Variants in BTN3A1 observed in about 807,000 individuals in gnomAD.
The protein encoded by BTN3A1 is dJ45P21.3 (butyrophilin, subfamily 3, member A1).
A neutral mutation model predicts 43.0 loss-of-function variants in BTN3A1; 24 were observed. The ratio of observed to expected loss-of-function variants is 0.56; its 90% confidence interval spans 0.40 to 0.78. The LOEUF (loss-of-function observed/expected upper bound fraction) is 0.78, where lower values mean the gene tolerates loss of function less well. Among genes scored for constraint, BTN3A1 ranks in the 30% least tolerant of loss-of-function variants. BTN3A1 has a pLI of 0.00. For missense variants in BTN3A1, 533 were observed against 626.2 expected, an observed-to-expected ratio of 0.85 and a Z score of 1.59; for synonymous variants, 181 against 234.7, an observed-to-expected ratio of 0.77 and a Z score of 2.09.
intron 4 of BTN3A1, among the ~76,000 whole-genome samples, chr6:26,408,594 A>T (rs544825433): frequency 1.3e-5 from 2 of 152,370 alleles, no homozygotes; most frequent in African/African-American, 4.8e-5. Context: ...TATCCAAACT[A>T]CATCTTTAGT....
chr6:26,411,695 A>C (rs1762226355), intron 9 of BTN3A1, 114 bp downstream of exon 9: 1 of 1,341,874 alleles, frequency 7.5e-7, no homozygotes, highest in Non-Finnish European at 1.0e-6. Context: ...CATGACTAGG[A>C]GAATTTGGGG....
chr6:26,411,594 C>T lies in BTN3A1; in HGVS notation c.1018+13C>T. 1 of 1,612,792 alleles carries T rather than the reference C, an allele frequency of 6.2e-7. No homozygotes were observed. The highest frequency in any genetic ancestry group is 8.5e-7 in the Non-Finnish European group (1 of 1,179,196). On this transcript the variant is annotated intron_variant, in intron 9 of 9. Coordinates refer to ENST00000289361, the MANE Select transcript of BTN3A1 (RefSeq NM_007048.6). ...CTCTTCAAGCCTGGTGAGTAAATCA[C>T]TGTGTGTTCCCTGGACCAACAACCT...
chr6:26,414,851 A>G lies in BTN3A1; in HGVS notation c.*1159A>G, dbSNP rs968154757. The G allele has an allele frequency of 6.6e-6, 1 of 151,918 alleles. No individual in the cohort carries two copies. The highest frequency in any genetic ancestry group is 2.1e-4 in the South Asian group (1 of 4,814). 9.4% of individuals were successfully genotyped at this position (151,918 alleles called of 1,614,324 possible). On this transcript the variant is annotated 3_prime_UTR_variant, in exon 10 of 10. Coordinates refer to ENST00000289361, the MANE Select transcript of BTN3A1 (RefSeq NM_007048.6). ...TAGGTGCACGCCACCACACCCAACAAATTTTTGTACTTTTAGTACAGATGA... is the reference window on the plus strand; with the variant it reads ...TAGGTGCACGCCACCACACCCAACAGATTTTTGTACTTTTAGTACAGATGA...
At chr6:26,403,006 T>G (rs1761901744) in intron 1 of BTN3A1, among the ~76,000 whole-genome samples, 1 of 152,194 alleles carries the variant, frequency 6.6e-6, no homozygotes, top group Non-Finnish European at 1.5e-5. Context: ...ATTCATCATT[T>G]CCCCCAAACC....
chr6:26,409,393 T>C, intron 4 of BTN3A1, 140 bp from the exon 5 acceptor site: 1 of 803,914 alleles, frequency 1.2e-6, no homozygotes, highest in Non-Finnish European at 2.0e-6. Context: ...TCTGAGATTT[T>C]AGCATGAGAA....
At position 26,413,796 on chromosome 6, in the gene BTN3A1, A is replaced by G. The variant is rs577250474; in HGVS notation, c.*104A>G. ...ACGAAAGTGGGGAGCCTCAGGCTGAAGTAACTTTTCTCTGCTTCTCCCTGC... is the reference window on the plus strand; with the variant it reads ...ACGAAAGTGGGGAGCCTCAGGCTGAGGTAACTTTTCTCTGCTTCTCCCTGC... On this transcript the variant is annotated 3_prime_UTR_variant, in exon 10 of 10. Coordinates refer to ENST00000289361, the MANE Select transcript of BTN3A1 (RefSeq NM_007048.6). The G allele has an allele frequency of 1.3e-6, 2 of 1,598,972 alleles. No individual in the cohort carries two copies. The highest frequency in any genetic ancestry group is 1.7e-6 in the Non-Finnish European group (2 of 1,178,590).
chr6:26,410,072 A>T, intron 7 of BTN3A1, 40 bp downstream of exon 7: 1 of 1,610,544 alleles, frequency 6.2e-7, no homozygotes, highest in Non-Finnish European at 8.5e-7. Flanking sequence ...TGAATCTATA[A>T]CTGTCTGTGC....
At chr6:26,409,940 C>T in intron 6 of BTN3A1, 26 bp downstream of exon 6, 1 of 1,614,196 alleles carries the variant, frequency 6.2e-7, no homozygotes. Flanking sequence ...CCCAGAGACC[C>T]AGGCATGTCT....
At chr6:26,403,088 T>C (rs1761904815) in intron 1 of BTN3A1, among the ~76,000 whole-genome samples, 2 of 152,192 alleles carry the variant, frequency 1.3e-5, no homozygotes, top group Non-Finnish European at 2.9e-5. Context: ...TGTTTTGAGA[T>C]GCAGTCTTGC....
At chr6:26,405,884 C>T (rs1446244182) in intron 2 of BTN3A1, 25 bp from the exon 3 acceptor site, 14 of 1,613,378 alleles carry the variant, frequency 8.7e-6, no homozygotes, top group South Asian at 4.4e-5. Context: ...AACCCTCTGA[C>T]AGATCCTCCC....
chr6:26,408,941 A>G (rs1359638925), intron 4 of BTN3A1, among the ~76,000 whole-genome samples: 1 of 152,202 alleles, frequency 6.6e-6, no homozygotes, highest in Non-Finnish European at 1.5e-5. Flanking sequence ...TTAAGTTAAC[A>G]AGTAATGTCA....
intron 1 of BTN3A1, among the ~76,000 whole-genome samples, chr6:26,403,659 A>G (rs1360899783): frequency 6.6e-6 from 1 of 152,126 alleles, no homozygotes; most frequent in East Asian, 1.9e-4. Context: ...CTACCAAAGT[A>G]TATGACTACT....
intron 9 of BTN3A1, chr6:26,412,066 T>C (rs948731088): frequency 1.2e-4 from 28 of 237,648 alleles, no homozygotes; most frequent in Non-Finnish European, 1.9e-4. Context: ...AGGTGAAGAC[T>C]GAAGGAATAA....
intron 3 of BTN3A1, 35 bp from the exon 4 acceptor site, chr6:26,407,636 C>G (rs1245826703): frequency 6.2e-7 from 1 of 1,605,602 alleles, no homozygotes; most frequent in Non-Finnish European, 8.5e-7. Flanking sequence ...TGATACAGGC[C>G]TCTCAAGAAT....
chr6:26,406,510 A>G (rs889870571), intron 3 of BTN3A1, among the ~76,000 whole-genome samples: 1 of 152,250 alleles, frequency 6.6e-6, no homozygotes, highest in South Asian at 2.1e-4. Flanking sequence ...GAAGTGAAGG[A>G]CAAGGGATAG....
In BTN3A1 at chr6:26,413,945, G is replaced by C; in HGVS notation, c.*253G>C. On this transcript the variant is annotated 3_prime_UTR_variant, in exon 10 of 10. Transcript: ENST00000289361. ...TTCATATGACAGTTGTTTGAGTTTG[G>C]TACCATCTTATTTTCCCCTTATACA... The C allele has an allele frequency of 6.6e-6, 4 of 604,250 alleles. No individual in the cohort carries two copies. Among genetic ancestry groups the C allele is most frequent in the Non-Finnish European group, 1.1e-5 (4 of 363,566 alleles). 37.4% of individuals were successfully genotyped at this position (604,250 alleles called of 1,614,324 possible). A position where few individuals can be genotyped will look rare whatever the true frequency, so the allele number is the denominator to read the frequency against.
rs1227226844 is a variant in BTN3A1, at chr6:26,407,800, C to A, written c.563C>A (p.Pro188Gln). 1 of 1,614,194 alleles carries A rather than the reference C, an allele frequency of 6.2e-7. No homozygotes were observed. The highest frequency in any genetic ancestry group is 8.5e-7 in the Non-Finnish European group (1 of 1,180,040). Residue 188 changes from proline to glutamine, a missense_variant, in exon 4 of 10, where the codon CCG becomes CAG. Around this residue, in one of 4 missense-constraint regions of BTN3A1, gnomAD observed 415 missense variants for 427.0 expected, o/e 0.97. Coordinates refer to ENST00000289361, the MANE Select transcript of BTN3A1 (RefSeq NM_007048.6). ...QWSNNKGENIPTVEAPVVADG... is the reference protein window; with the variant it reads ...QWSNNKGENIQTVEAPVVADG... Reference sequence around the variant, plus strand: ...AGCAACAACAAGGGAGAGAACATCCCGACTGTGGAAGCACCTGTGGTTGCA... The same window carrying A: ...AGCAACAACAAGGGAGAGAACATCCAGACTGTGGAAGCACCTGTGGTTGCA...
Position 26,409,622 on chromosome 6 carries a change from TTCC to T in BTN3A1, c.807_809del (p.Phe269del). The T allele has an allele frequency of 6.2e-7, 1 of 1,609,588 alleles. No individual in the cohort carries two copies. The highest frequency in any genetic ancestry group is 8.5e-7 in the Non-Finnish European group (1 of 1,178,838). Reference sequence around the variant, plus strand: ...GCTGCTTCTTGGGGGAGCCGGTTACTTCCTGTGGCAACAGCAGGAGGAAAAAAA... The same window carrying T: ...GCTGCTTCTTGGGGGAGCCGGTTACTTGTGGCAACAGCAGGAGGAAAAAAA... On this transcript the variant is annotated inframe_deletion, in exon 5 of 10. Transcript: ENST00000289361.
intron 1 of BTN3A1, among the ~76,000 whole-genome samples, chr6:26,403,724 A>T (rs1336534394): frequency 6.6e-6 from 1 of 152,106 alleles, no homozygotes; most frequent in African/African-American, 2.4e-5. Context: ...GGGTTTCATT[A>T]TGTTGACCAG....
Sources: gnomAD v4.1 joint callset for allele counts (sites outside exome capture counted in the v4.1 genomes callset) on GRCh38, gnomAD v4.1.1 for gene constraint, gnomAD v4.1.1 regional missense constraint, MANE v1.5 for transcripts, NCBI Gene and HGNC (gene_info 2026-07-23, HGNC 2026-07-21) for gene names.